The following PARD3B variants were observed in gnomAD, a reference collection of about 807,000 sequenced individuals.
The protein encoded by PARD3B is partitioning defective 3 homolog B.
A neutral mutation model predicts 130.2 loss-of-function variants in PARD3B; 103 were observed. The ratio of observed to expected loss-of-function variants is 0.79; its 90% confidence interval spans 0.67 to 0.93. The LOEUF (loss-of-function observed/expected upper bound fraction) is 0.93. Among genes scored for constraint, PARD3B ranks in the 40% least tolerant of loss-of-function variants. PARD3B has a pLI of 0.00. For missense variants in PARD3B, 1,609 were observed against 1,499.2 expected, an observed-to-expected ratio of 1.07 and a Z score of -1.21; for synonymous variants, 583 against 553.2, an observed-to-expected ratio of 1.05 and a Z score of -0.76.
At chr2:205,466,719 T>G (rs1249884064) in intron 20 of PARD3B, among the ~76,000 whole-genome samples, 3 of 152,232 alleles carry the variant, frequency 2.0e-5, no homozygotes, top group Non-Finnish European at 4.4e-5. Flanking sequence ...TTTTGTTTTG[T>G]TTTTGTTTTT....
chr2:204,999,578 C>T (rs1694653539), intron 3 of PARD3B, among the ~76,000 whole-genome samples: 1 of 152,146 alleles, frequency 6.6e-6, no homozygotes, highest in African/African-American at 2.4e-5. Context: ...GAACGTTTTC[C>T]CTGTGATGTT....
chr2:205,176,538 C>T lies in PARD3B; in HGVS notation c.1885C>T (p.His629Tyr), dbSNP rs201299201. 4.4e-5 allele frequency: 71 copies of T among 1,611,928 alleles called. No homozygotes were observed. In the African/African-American group the frequency reaches 9.2e-4, roughly 21 times the overall value. ...TAGGCGAAATGATAATAGTATCCTG[C>T]ATCCACTTGGCACTTGCAGTCCACA... is the stretch of plus-strand genomic sequence containing the variant. ...TSRRNDNSIL[H>Y]PLGTCSPQDK... Residue 629 changes from histidine to tyrosine, a missense_variant, in exon 13 of 23, where the codon CAT (histidine) becomes TAT (tyrosine). By Grantham distance (83) the His-to-Tyr change is moderately conservative. Coordinates refer to ENST00000406610, the MANE Select transcript of PARD3B (RefSeq NM_001302769.2). The surrounding 1 kb of genome is among the most constrained non-coding windows in gnomAD (Gnocchi z 5.3).
At chr2:205,062,852 G>T (rs1700140603) in intron 4 of PARD3B, among the ~76,000 whole-genome samples, 1 of 151,976 alleles carries the variant, frequency 6.6e-6, no homozygotes, top group Admixed American at 6.6e-5. Context: ...ATCTATGTCT[G>T]TATAAGAAAA....
intron 3 of PARD3B, among the ~76,000 whole-genome samples, chr2:205,003,998 A>C (rs1367508896): frequency 6.6e-6 from 1 of 152,180 alleles, no homozygotes; most frequent in African/African-American, 2.4e-5. Context: ...GGGAGGCATG[A>C]AGACTTTTTC....
chr2:205,448,539 G>A (rs2047986446), intron 20 of PARD3B, among the ~76,000 whole-genome samples: 1 of 152,144 alleles, frequency 6.6e-6, no homozygotes, highest in South Asian at 2.1e-4. Context: ...GTTAGGGTTA[G>A]CCCATTGTTG....
intron 1 of PARD3B, among the ~76,000 whole-genome samples, chr2:204,608,212 A>C (rs1000017360): frequency 6.6e-6 from 1 of 152,228 alleles, no homozygotes; most frequent in African/African-American, 2.4e-5. Context: ...ATTTAAAAAA[A>C]TATTTGCATT....
chr2:205,535,082 G>A (rs775366146), intron 21 of PARD3B, among the ~76,000 whole-genome samples: 1 of 152,120 alleles, frequency 6.6e-6, no homozygotes, highest in African/African-American at 2.4e-5. Context: ...TACATCTACT[G>A]TGTAGACATA....
rs371571053 is a variant in PARD3B at position 204,709,126 on chromosome 2, A to G, written c.222+22844A>G. On this transcript the variant is annotated intron_variant, in intron 2 of 22. Transcript: ENST00000406610. ...ATTCCTTTTATTATAGTTTATTCCT[A>G]GATTATCTTACCCTTTTGAAAAAAA... Among the ~76,000 whole-genome samples, 9 of 152,264 alleles carry G rather than the reference A, an allele frequency of 5.9e-5. No homozygotes were observed. In the East Asian group the frequency reaches 1.3e-3, roughly 23 times the overall value.
At chr2:205,055,919 C>A (rs751570323) in intron 4 of PARD3B, among the ~76,000 whole-genome samples, 1 of 152,118 alleles carries the variant, frequency 6.6e-6, no homozygotes, top group East Asian at 1.9e-4. Flanking sequence ...ATGTGTGTAC[C>A]CTTACCCTCT....
At chr2:205,273,349 C>T (rs139592366) in intron 16 of PARD3B, among the ~76,000 whole-genome samples, 173 of 152,312 alleles carry the variant, frequency 1.1e-3, no homozygotes, top group Middle Eastern at 3.4e-3. Context: ...GGAAAGAGTT[C>T]GCTCCTTTGT....
chr2:204,649,745 A>C (rs1574618186), intron 1 of PARD3B, among the ~76,000 whole-genome samples: 1 of 152,308 alleles, frequency 6.6e-6, no homozygotes, highest in South Asian at 2.1e-4. Flanking sequence ...CCTTCCTTAA[A>C]CCATATACAA....
intron 3 of PARD3B, among the ~76,000 whole-genome samples, chr2:204,998,374 GTATA>G (rs1244536785): frequency 2.5e-4 from 20 of 78,782 alleles, no homozygotes; most frequent in Admixed American, 1.3e-3. Context: ...GTGTGTGTGT[GTATA>G]TATGTGTGTG....
chr2:205,252,853 C>CCCCCA (rs2039916027), intron 16 of PARD3B, among the ~76,000 whole-genome samples: 2 of 80,456 alleles, frequency 2.5e-5, no homozygotes, highest in Non-Finnish European at 4.8e-5. Flanking sequence ...CCCCCCCCAC[C>CCCCCA]AAAAAAAAAA....
intron 2 of PARD3B, among the ~76,000 whole-genome samples, chr2:204,708,758 CT>C (rs2038301413): frequency 6.6e-6 from 1 of 151,978 alleles, no homozygotes; most frequent in Admixed American, 6.6e-5. Context: ...TGTTCTTTTA[CT>C]TTTTCAATAT....
At chr2:204,641,720 T>A (rs1300218989) in intron 1 of PARD3B, among the ~76,000 whole-genome samples, 1 of 152,190 alleles carries the variant, frequency 6.6e-6, no homozygotes. Flanking sequence ...ATTACAGCAA[T>A]AAAATCCATT....
chr2:204,883,111 G>A (rs941594548), intron 2 of PARD3B, among the ~76,000 whole-genome samples: 1 of 151,814 alleles, frequency 6.6e-6, no homozygotes, highest in African/African-American at 2.4e-5. Context: ...GGAAATGCTA[G>A]AGAAAATAAG....
intron 3 of PARD3B, among the ~76,000 whole-genome samples, chr2:204,969,345 T>C (rs1691505046): frequency 6.6e-6 from 1 of 152,184 alleles, no homozygotes; most frequent in South Asian, 2.1e-4. Context: ...TTCTCCATCT[T>C]TGGACAAATA....
chr2:204,863,704 A>T (rs1475454844), intron 2 of PARD3B, among the ~76,000 whole-genome samples: 1 of 152,204 alleles, frequency 6.6e-6, no homozygotes, highest in Non-Finnish European at 1.5e-5. Flanking sequence ...GGCCATATAG[A>T]TAGAAAAGCA....
At chr2:205,293,804 C>T (rs1283791768) in intron 16 of PARD3B, 1 of 152,142 alleles carries the variant, frequency 6.6e-6, no homozygotes, top group African/African-American at 2.4e-5. Flanking sequence ...AAGGGGCATC[C>T]CAGTGTTGTA....
Sources: allele counts gnomAD v4.1 joint callset (sites outside exome capture counted in the v4.1 genomes callset), GRCh38; gene constraint gnomAD v4.1.1; non-coding constraint Gnocchi (gnomAD v3.1); transcripts MANE v1.5; gene names NCBI Gene and HGNC (gene_info 2026-07-23, HGNC 2026-07-21).